BDNF: variants seen among roughly 807,000 people sequenced by gnomAD.
The protein encoded by BDNF is brain derived neurotrophic factor.
In BDNF, 1 loss-of-function variant was observed where a neutral mutation model predicts 19.5. That is an observed-to-expected ratio of 0.05 (90% CI 0.02 to 0.24). The LOEUF is 0.24. Ranked by LOEUF, BDNF falls within the 10% of genes least tolerant of loss-of-function variation. The pLI is 1.00. For synonymous variants in BDNF, 100 were observed against 121.6 expected (o/e 0.82, Z 1.17); for missense variants, 195 against 317.6 (o/e 0.61, Z 2.93).
intron 1 of BDNF, among the ~76,000 whole-genome samples, chr11:27,697,313 A>T (rs1159775626): frequency 1.3e-5 from 2 of 152,256 alleles, no homozygotes; most frequent in Non-Finnish European, 2.9e-5. Flanking sequence ...TGCTATTCAT[A>T]TAAGAAATGA....
chr11:27,708,337 C>T (rs867624356), intron 1 of BDNF, among the ~76,000 whole-genome samples: 3 of 152,194 alleles, frequency 2.0e-5, no homozygotes, highest in Admixed American at 1.3e-4. Context: ...CCATTACCTT[C>T]CATCTTGTCC....
rs190247700 is a variant in BDNF, at chr11:27,690,216, A to C, written c.-22+9948T>G. On this transcript the variant is annotated intron_variant, in intron 1 of 1. Coordinates refer to ENST00000356660, the MANE Select transcript of BDNF (RefSeq NM_001709.5). ...AATTCACATGTTTAAAGAAGTATCT[A>C]CTTTATCAGGTACCATTTGTGAATA... Among the ~76,000 whole-genome samples the C allele has an allele frequency of 1.5e-3, 225 of 152,310 alleles. 1 individual carries two copies. Among genetic ancestry groups the C allele is most frequent in the African/African-American group, 3.7e-3 (153 of 41,574 alleles).
intron 1 of BDNF, among the ~76,000 whole-genome samples, chr11:27,664,209 TAAGAGTTGACCTTAATGAAATCTTGC>T (rs1652540888): frequency 6.6e-6 from 1 of 152,262 alleles, no homozygotes; most frequent in African/African-American, 2.4e-5. Flanking sequence ...TACAAACTAT[TAAGAGTTGACCTTAATGAAATCTTGC>T]AAATCAATAT....
At chr11:27,707,701 G>A (rs1187134214) in intron 1 of BDNF, among the ~76,000 whole-genome samples, 1 of 152,130 alleles carries the variant, frequency 6.6e-6, no homozygotes, top group Non-Finnish European at 1.5e-5. Context: ...GGTGGAATGG[G>A]GAATGAATTG....
intron 1 of BDNF, among the ~76,000 whole-genome samples, chr11:27,692,333 T>C (rs1348438224): frequency 6.6e-6 from 1 of 152,162 alleles, no homozygotes; most frequent in Non-Finnish European, 1.5e-5. Flanking sequence ...CCTTCCTACC[T>C]TTCTTCCTTC....
chr11:27,664,927 G>C (rs1854066550), intron 1 of BDNF, among the ~76,000 whole-genome samples: 1 of 152,154 alleles, frequency 6.6e-6, no homozygotes, highest in African/African-American at 2.4e-5. Context: ...TCTCCAGTCT[G>C]TAACAAAGAA....
At chr11:27,700,815 A>G (rs1043123069), upstream of BDNF, 2 of 1,219,734 alleles carry the variant, frequency 1.6e-6, no homozygotes, top group African/African-American at 1.6e-5. Context: ...CGCCCTCTGC[A>G]GAAACCCCGG....
chr11:27,690,256 G>A (rs763678943), intron 1 of BDNF, among the ~76,000 whole-genome samples: 10 of 152,112 alleles, frequency 6.6e-5, no homozygotes, highest in Non-Finnish European at 8.8e-5. Flanking sequence ...CAACAAGCAG[G>A]TGAATACAAC....
chr11:27,718,361 C>CCCCG (rs1554950428), intron 1 of BDNF, among the ~76,000 whole-genome samples: 23 of 144,262 alleles, frequency 1.6e-4, no homozygotes, highest in South Asian at 2.8e-4. Context: ...ACCACCCCCC[C>CCCCG]CCGCCCCTCC....
chr11:27,690,458 CAA>C (rs370303942), intron 1 of BDNF, among the ~76,000 whole-genome samples: 1 of 152,134 alleles, frequency 6.6e-6, no homozygotes, highest in African/African-American at 2.4e-5. Flanking sequence ...CACACACACA[CAA>C]ACTATGCACA....
At chr11:27,684,479 G>A (rs1014615004) in intron 1 of BDNF, among the ~76,000 whole-genome samples, 14 of 152,164 alleles carry the variant, frequency 9.2e-5, no homozygotes, top group South Asian at 2.1e-4. Flanking sequence ...GTTTTGTGCC[G>A]GTTTTCAAAT....
intron 1 of BDNF, among the ~76,000 whole-genome samples, chr11:27,689,845 TG>T (rs1858005301): frequency 6.6e-6 from 1 of 152,146 alleles, no homozygotes; most frequent in Non-Finnish European, 1.5e-5. Flanking sequence ...ATTAGCTATT[TG>T]TCTGTTTGTC....
upstream of BDNF, among the ~76,000 whole-genome samples, chr11:27,704,188 G>C (rs1212685284): frequency 2.0e-5 from 3 of 152,142 alleles, no homozygotes; most frequent in African/African-American, 7.2e-5. Flanking sequence ...ACTAAAATGA[G>C]GGAAAGTTTC....
chr11:27,695,102 T>C (rs1433368140), intron 1 of BDNF, among the ~76,000 whole-genome samples: 1 of 152,152 alleles, frequency 6.6e-6, no homozygotes, highest in Non-Finnish European at 1.5e-5. Context: ...GATCTGAATA[T>C]GGTAACAAGG....
intron 1 of BDNF, among the ~76,000 whole-genome samples, chr11:27,688,933 T>TA (rs1172942920): frequency 6.6e-6 from 1 of 152,248 alleles, no homozygotes; most frequent in African/African-American, 2.4e-5. Flanking sequence ...ATAACTAAGT[T>TA]ACTAAGGAAC....
Position 27,697,666 on chromosome 11 carries a change from T to G in BDNF, c.-22+2498A>C, listed in dbSNP as rs539750124. On this transcript the variant is annotated intron_variant, in intron 1 of 1. Coordinates refer to ENST00000356660, the MANE Select transcript of BDNF (RefSeq NM_001709.5). ...GTTTGCAAGTAAAAGTTACACACAT[T>G]GAAAAGACACTGAAACAGATTTCCT... 2.6e-5 allele frequency: 4 copies of G among 152,292 alleles called. No individual in the cohort carries two copies. In the South Asian group the frequency reaches 8.3e-4, roughly 32 times the overall value. 9.4% of individuals were successfully genotyped at this position (152,292 alleles called of 1,614,324 possible).
intron 1 of BDNF, among the ~76,000 whole-genome samples, chr11:27,661,750 C>T (rs554844027): frequency 2.0e-5 from 3 of 152,314 alleles, no homozygotes; most frequent in African/African-American, 7.2e-5. Context: ...CTCAATGCTT[C>T]ATCACTTCTG....
intron 1 of BDNF, among the ~76,000 whole-genome samples, chr11:27,708,002 A>G (rs1860177799): frequency 6.6e-6 from 1 of 152,214 alleles, no homozygotes; most frequent in Non-Finnish European, 1.5e-5. Flanking sequence ...CTGAATTAGA[A>G]AAATGAAGAC....
At chr11:27,682,774 T>C (rs1449241028) in intron 1 of BDNF, among the ~76,000 whole-genome samples, 1 of 152,206 alleles carries the variant, frequency 6.6e-6, no homozygotes, top group Non-Finnish European at 1.5e-5. Flanking sequence ...TTCCATGGTG[T>C]ATGTGTGTCA....
Sources: gnomAD v4.1 joint callset for allele counts (sites outside exome capture counted in the v4.1 genomes callset) on GRCh38, gnomAD v4.1.1 for gene constraint, MANE v1.5 for transcripts, NCBI Gene and HGNC (gene_info 2026-07-23, HGNC 2026-07-21) for gene names.